The following NEGR1 variants were observed in gnomAD, a reference collection of about 807,000 sequenced individuals.
NEGR1 encodes neuronal growth regulator 1, also known as IgLON family member 4.
Under a neutral mutation model 40.9 loss-of-function variants are expected in NEGR1, and 10 were observed. The observed-to-expected ratio is 0.24, with a 90% CI of 0.15 to 0.42. The LOEUF (loss-of-function observed/expected upper bound fraction) is 0.42, where lower values mean the gene tolerates loss of function less well. Ranked by LOEUF, NEGR1 falls within the 10% of genes least tolerant of loss-of-function variation. NEGR1 has a pLI of 1.00. For missense variants in NEGR1, 352 were observed against 438.9 expected (o/e 0.80, Z 1.77); for synonymous variants, 185 against 166.8 (o/e 1.11, Z -0.84).
intron 4 of NEGR1, among the ~76,000 whole-genome samples, chr1:71,623,472 T>TCCATGAACTTG (rs1179678690): frequency 3.3e-5 from 5 of 151,940 alleles, no homozygotes; most frequent in Non-Finnish European, 7.4e-5. Flanking sequence ...GTGTGCTTTA[T>TCCATGAACTTG]CCATGAACTT....
At chr1:71,457,984 G>T (rs1021627106) in intron 6 of NEGR1, among the ~76,000 whole-genome samples, 9 of 152,108 alleles carry the variant, frequency 5.9e-5, no homozygotes, top group Admixed American at 1.3e-4. Context: ...TTACAGGCGT[G>T]AGCCACCACG....
At chr1:71,667,503 C>T (rs888239111) in intron 4 of NEGR1, among the ~76,000 whole-genome samples, 1 of 152,068 alleles carries the variant, frequency 6.6e-6, no homozygotes, top group African/African-American at 2.4e-5. Context: ...TGGGTTCTAG[C>T]TCCAATTCTA....
At chr1:71,982,778 C>T (rs956550850) in intron 1 of NEGR1, among the ~76,000 whole-genome samples, 13 of 152,002 alleles carry the variant, frequency 8.6e-5, no homozygotes, top group Admixed American at 6.6e-5. Flanking sequence ...CTGCCACAAA[C>T]ATTAATTTAG....
intron 2 of NEGR1, among the ~76,000 whole-genome samples, chr1:71,877,006 G>C (rs1331899034): frequency 6.6e-6 from 1 of 151,876 alleles, no homozygotes; most frequent in Admixed American, 6.6e-5. Context: ...AAAAATAGCA[G>C]TAATAGTGTG....
chr1:71,538,978 G>A (rs968263344), intron 6 of NEGR1, among the ~76,000 whole-genome samples: 1 of 151,632 alleles, frequency 6.6e-6, no homozygotes, highest in African/African-American at 2.4e-5. Context: ...ACTTCACTAG[G>A]TTACTTTTGT....
At chr1:71,597,567 G>A (rs1472942925) in intron 5 of NEGR1, among the ~76,000 whole-genome samples, 2 of 144,640 alleles carry the variant, frequency 1.4e-5, no homozygotes, top group African/African-American at 5.0e-5. Flanking sequence ...TATGTATGTG[G>A]GACATTTTAT....
intron 6 of NEGR1, among the ~76,000 whole-genome samples, chr1:71,586,884 C>A (rs1465877584): frequency 6.6e-6 from 1 of 152,050 alleles, no homozygotes; most frequent in Non-Finnish European, 1.5e-5. Context: ...GGATCAAATT[C>A]TGCCTACAAC....
At chr1:71,611,468 T>C (rs923203201) in intron 4 of NEGR1, among the ~76,000 whole-genome samples, 1 of 152,168 alleles carries the variant, frequency 6.6e-6, no homozygotes, top group Non-Finnish European at 1.5e-5. Context: ...ACTGCAGTAA[T>C]AGTTCTCATC....
chr1:71,412,245 C>T (rs951240002), intron 6 of NEGR1, among the ~76,000 whole-genome samples: 2 of 152,098 alleles, frequency 1.3e-5, no homozygotes. Flanking sequence ...GTTTCATTAC[C>T]TCATGTCCTT....
chr1:71,899,015 T>TATATATATATA (rs1661070621), intron 2 of NEGR1, among the ~76,000 whole-genome samples: 3 of 117,076 alleles, frequency 2.6e-5, no homozygotes, highest in African/African-American at 6.1e-5. Context: ...TATATATATA[T>TATATATATATA]GGCAACTAAT....
At chr1:72,124,730 A>G (rs1557538867) in intron 1 of NEGR1, among the ~76,000 whole-genome samples, 1 of 152,082 alleles carries the variant, frequency 6.6e-6, no homozygotes, top group South Asian at 2.1e-4. Flanking sequence ...GGCATTGGAT[A>G]CTTTTCATTG....
intron 6 of NEGR1, among the ~76,000 whole-genome samples, chr1:71,478,698 A>G (rs1646836721): frequency 6.6e-6 from 1 of 151,982 alleles, no homozygotes; most frequent in African/African-American, 2.4e-5. Flanking sequence ...CTGTAGGAGA[A>G]TCTAGAAGCA....
intron 6 of NEGR1, 118 bp downstream of exon 6, chr1:71,592,699 A>C (rs1649540463): frequency 1.4e-6 from 1 of 713,120 alleles, no homozygotes; most frequent in Non-Finnish European, 2.4e-6. Context: ...TGTATAAGGA[A>C]TGTGTCACAT....
At chr1:71,430,295 G>T (rs183854842) in intron 6 of NEGR1, among the ~76,000 whole-genome samples, 13 of 152,160 alleles carry the variant, frequency 8.5e-5, no homozygotes, top group African/African-American at 3.1e-4. Flanking sequence ...TCTCTGTATT[G>T]CCTCTATAAA....
chr1:71,450,811 G>A (rs1253155821), intron 6 of NEGR1, among the ~76,000 whole-genome samples: 1 of 150,176 alleles, frequency 6.7e-6, no homozygotes, highest in African/African-American at 2.5e-5. Flanking sequence ...TCGGTCTCAG[G>A]GAAAAAAAGA....
At chr1:71,917,997 C>G (rs1048022398) in intron 2 of NEGR1, among the ~76,000 whole-genome samples, 1 of 150,202 alleles carries the variant, frequency 6.7e-6, no homozygotes, top group Non-Finnish European at 1.5e-5. Flanking sequence ...GCGGGCGGAT[C>G]ACAAGGTCAG....
chr1:71,539,520 C>T (rs1022397401), intron 6 of NEGR1, among the ~76,000 whole-genome samples: 19 of 151,598 alleles, frequency 1.3e-4, no homozygotes, highest in African/African-American at 4.6e-4. Context: ...TCCCTACATG[C>T]AGCTATTGTT....
intron 1 of NEGR1, among the ~76,000 whole-genome samples, chr1:71,995,592 G>A (rs1415125360): frequency 2.6e-5 from 4 of 152,164 alleles, no homozygotes; most frequent in East Asian, 3.9e-4. Flanking sequence ...TGTCTATTCC[G>A]AAGTATCACT....
At chr1:71,709,042 T>G (rs554549220) in intron 3 of NEGR1, among the ~76,000 whole-genome samples, 110 of 152,318 alleles carry the variant, frequency 7.2e-4, no homozygotes, top group Middle Eastern at 6.8e-3. Context: ...TTATAAACAG[T>G]GCTGCAATGA....
Sources: allele counts gnomAD v4.1 joint callset (sites outside exome capture counted in the v4.1 genomes callset), GRCh38; gene constraint gnomAD v4.1.1; transcripts MANE v1.5; gene names NCBI Gene and HGNC (gene_info 2026-07-23, HGNC 2026-07-21).